Variants in VTA1 observed in about 807,000 individuals in gnomAD.
VTA1 encodes vacuolar protein sorting-associated protein VTA1 homolog.
In VTA1, 24 loss-of-function variants were observed where a neutral mutation model predicts 36.9. The ratio of observed to expected loss-of-function variants is 0.65; its 90% CI spans 0.47 to 0.91. VTA1 has a LOEUF of 0.91. Ranked by LOEUF, VTA1 falls within the 40% of genes least tolerant of loss-of-function variation. VTA1 has a pLI of 0.00. For missense variants in VTA1, 393 were observed against 377.2 expected (o/e 1.04, Z -0.35); for synonymous variants, 142 against 130.2 (o/e 1.09, Z -0.62).
At chr6:142,190,617 G>C (rs369486018) in intron 5 of VTA1, among the ~76,000 whole-genome samples, 4 of 152,096 alleles carry the variant, frequency 2.6e-5, no homozygotes, top group Non-Finnish European at 4.4e-5. Context: ...GTAAATAGAT[G>C]GTTATAAAGA....
chr6:142,211,493 C>T (rs940431701), intron 7 of VTA1, among the ~76,000 whole-genome samples: 1 of 152,012 alleles, frequency 6.6e-6, no homozygotes, highest in Admixed American at 6.6e-5. Context: ...AGACAGATCA[C>T]GAGGTCAGGA....
chr6:142,173,191 T>G (rs1775059161), intron 4 of VTA1, among the ~76,000 whole-genome samples: 1 of 152,178 alleles, frequency 6.6e-6, no homozygotes, highest in Non-Finnish European at 1.5e-5. Context: ...CAATTCAAGT[T>G]ATAAGATTAG....
rs17071521 is a variant in VTA1, at chr6:142,191,296, T to C, written c.520+1762T>C. 9.2e-3 allele frequency among the ~76,000 whole-genome samples: 1,401 copies of C among 152,278 alleles called. 72 individuals carry two copies. Among genetic ancestry groups the C allele is most frequent in the Admixed American group, 0.068 (1,033 of 15,298 alleles). On this transcript the variant is annotated intron_variant, in intron 5 of 7. Coordinates refer to ENST00000367630, the MANE Select transcript of VTA1 (RefSeq NM_016485.5). ...GCTGTTTTACTTTTCGGGACTATTT[T>C]AGATGTTGCATTTTAGGTATATTGA... is the stretch of plus-strand genomic sequence containing the variant.
At chr6:142,193,471 G>A (rs981489313) in intron 5 of VTA1, among the ~76,000 whole-genome samples, 1 of 152,006 alleles carries the variant, frequency 6.6e-6, no homozygotes, top group Non-Finnish European at 1.5e-5. Flanking sequence ...AGCATTCATT[G>A]ATGATTTATC....
At chr6:142,155,432 A>C (rs1778645384) in intron 1 of VTA1, among the ~76,000 whole-genome samples, 1 of 152,206 alleles carries the variant, frequency 6.6e-6, no homozygotes, top group Non-Finnish European at 1.5e-5. Context: ...GAAATGGTTA[A>C]GTAAATTATG....
chr6:142,147,444 T>G, intron 1 of VTA1, 45 bp downstream of exon 1: 1 of 1,571,576 alleles, frequency 6.4e-7, no homozygotes, highest in Non-Finnish European at 8.7e-7. Context: ...CCAGTTGCAT[T>G]TTAGGGCCCA....
rs1053257230 is a variant in VTA1, at chr6:142,171,769, A to G, written c.411+1348A>G. ...ATGAGTGATTTGAACACTATGGGCA[A>G]TGTTTTTTTTGTGATTAAACTTTTT... On this transcript the variant is annotated intron_variant, in intron 4 of 7. Transcript: ENST00000367630. 7.2e-5 allele frequency among the ~76,000 whole-genome samples: 11 copies of G among 152,152 alleles called. No individual in the cohort carries two copies. The South Asian group carries it at 2.3e-3, about 31-fold the overall frequency.
chr6:142,151,639 A>G (rs1582873326), intron 1 of VTA1, among the ~76,000 whole-genome samples: 2 of 152,364 alleles, frequency 1.3e-5, no homozygotes, highest in African/African-American at 4.8e-5. Flanking sequence ...AGCAACTGGC[A>G]TTGCCATTAA....
chr6:142,193,840 G>A (rs995265739), intron 5 of VTA1, among the ~76,000 whole-genome samples: 1 of 151,944 alleles, frequency 6.6e-6, no homozygotes, highest in Non-Finnish European at 1.5e-5. Flanking sequence ...TACCTCAGGG[G>A]TATATCAACT....
At chr6:142,170,747 C>T (rs1010940235) in intron 4 of VTA1, among the ~76,000 whole-genome samples, 2 of 152,068 alleles carry the variant, frequency 1.3e-5, no homozygotes, top group African/African-American at 4.8e-5. Context: ...AATTCTCCTG[C>T]CTCAGCCTCC....
At chr6:142,195,595 CTT>C (rs72442499) in intron 5 of VTA1, among the ~76,000 whole-genome samples, 4,083 of 70,812 alleles carry the variant, frequency 0.058, 168 homozygotes, top group African/African-American at 0.13. Context: ...GTTTAATTTG[CTT>C]TTTTTTTTTT....
intron 4 of VTA1, among the ~76,000 whole-genome samples, chr6:142,182,039 T>C (rs1202126906): frequency 2.6e-5 from 4 of 152,240 alleles, no homozygotes; most frequent in African/African-American, 4.8e-5. Flanking sequence ...GTTTATATAA[T>C]AACTTGGGAG....
intron 4 of VTA1, among the ~76,000 whole-genome samples, chr6:142,175,616 T>C (rs921139181): frequency 5.3e-5 from 8 of 152,112 alleles, no homozygotes; most frequent in African/African-American, 1.9e-4. Context: ...TCTTCTTGAT[T>C]AGTTTCTGCT....
intron 1 of VTA1, among the ~76,000 whole-genome samples, chr6:142,152,495 A>T (rs1172477197): frequency 1.3e-5 from 2 of 152,118 alleles, no homozygotes; most frequent in Non-Finnish European, 2.9e-5. Context: ...AATAAAAAAT[A>T]ACAACAGAAC....
chr6:142,201,158 TCTC>T (rs1209528567), intron 6 of VTA1, among the ~76,000 whole-genome samples: 4 of 151,906 alleles, frequency 2.6e-5, no homozygotes, highest in Non-Finnish European at 1.5e-5. Context: ...GATGTTGAAA[TCTC>T]CTCCTTTTAG....
At chr6:142,201,785 A>G (rs1386959172) in intron 6 of VTA1, among the ~76,000 whole-genome samples, 1 of 151,964 alleles carries the variant, frequency 6.6e-6, no homozygotes, top group African/African-American at 2.4e-5. Context: ...TCTCATGATT[A>G]CACTAAGGTT....
At chr6:142,211,491 C>T (rs1342036857) in intron 7 of VTA1, among the ~76,000 whole-genome samples, 3 of 152,076 alleles carry the variant, frequency 2.0e-5, no homozygotes, top group Admixed American at 1.3e-4. Flanking sequence ...AAAGACAGAT[C>T]ACGAGGTCAG....
chr6:142,218,742 G>T lies in VTA1; in HGVS notation c.*99G>T. ...AGGATCACAGTTTTAAGGAAGACTT[G>T]GTTTTGTTGAATATGACAATGAAAT... On this transcript the variant is annotated 3_prime_UTR_variant, in exon 8 of 8. Transcript: ENST00000367630. 1 of 1,365,360 alleles carries T rather than the reference G, an allele frequency of 7.3e-7. No homozygotes were observed. The highest frequency in any genetic ancestry group is 1.6e-5 in the South Asian group (1 of 63,882). 84.6% of individuals were successfully genotyped at this position (1,365,360 alleles called of 1,614,324 possible). A position where few individuals can be genotyped will look rare whatever the true frequency, so the allele number is the denominator to read the frequency against.
chr6:142,199,604 A>T (rs1181055253), intron 6 of VTA1, among the ~76,000 whole-genome samples: 1 of 152,094 alleles, frequency 6.6e-6, no homozygotes, highest in East Asian at 1.9e-4. Context: ...TTTTGCATGA[A>T]TTACATTATA....
Sources: allele counts gnomAD v4.1 joint callset (sites outside exome capture counted in the v4.1 genomes callset), GRCh38; gene constraint gnomAD v4.1.1; transcripts MANE v1.5; gene names NCBI Gene and HGNC (gene_info 2026-07-23, HGNC 2026-07-21).